NAA38: variants seen among roughly 807,000 people sequenced by gnomAD.
NAA38 encodes the protein N-alpha-acetyltransferase 38, NatC auxiliary subunit, also known as LSM domain containing 1.
In NAA38, 15 loss-of-function variants were observed where a neutral mutation model predicts 12.6. That is an observed-to-expected ratio of 1.19 (90% CI 0.79 to 1.83). NAA38 has a LOEUF of 1.83. NAA38 is among the 40% of genes most tolerant of loss of function. The pLI, the probability that NAA38 is intolerant of heterozygous loss-of-function variation, is 0.00. For synonymous variants in NAA38, 88 were observed against 69.9 expected (o/e 1.26, Z -1.29); for missense variants, 183 against 171.7 (o/e 1.07, Z -0.37).
intron 3 of NAA38, chr17:7,865,701 T>C (rs1597877708): frequency 6.6e-6 from 1 of 152,018 alleles, no homozygotes; most frequent in Admixed American, 6.6e-5. Context: ...AAGAAGAACA[T>C]GTGGGATGTG....
intron 2 of NAA38, among the ~76,000 whole-genome samples, chr17:7,882,479 G>A (rs1299218648): frequency 6.6e-6 from 1 of 152,134 alleles, no homozygotes; most frequent in Non-Finnish European, 1.5e-5. Flanking sequence ...CAAGGGATGA[G>A]AAGGATAGTC....
chr17:7,866,503 G>A (rs1346233515), exon 3 of NAA38: 4 of 1,231,276 alleles, frequency 3.2e-6, no homozygotes, highest in Non-Finnish European at 4.0e-6. Context: ...TGGTCCAGAA[G>A]GTAAGATTTG....
At position 7,857,188 on chromosome 17, in the gene NAA38, C is replaced by T; in HGVS notation, c.92G>A (p.Gly31Glu). 1 of 1,613,112 alleles carries T rather than the reference C, an allele frequency of 6.2e-7. No homozygotes were observed. Among genetic ancestry groups the T allele is most frequent in the Non-Finnish European group, 8.5e-7 (1 of 1,180,024 alleles). ...QSSSSAGDSD[G>E]EREDSAAERA... ...CTCAGCCGCCGAGTCCTCGCGCTCTCCGTCCGAATCCTGCGCGGGGTGTAA... is the reference window on the plus strand; with the variant it reads ...CTCAGCCGCCGAGTCCTCGCGCTCTTCGTCCGAATCCTGCGCGGGGTGTAA... The change falls in exon 2 of 3, where the codon GGA becomes GAA. Residue 31 changes from glycine to glutamate, a missense_variant. Transcript: ENST00000575771.
upstream of NAA38, chr17:7,857,918 G>T: frequency 7.0e-6 from 10 of 1,421,536 alleles, no homozygotes; most frequent in Non-Finnish European, 9.2e-6. Flanking sequence ...CCCCACGCGG[G>T]ACTCATACTA....
At chr17:7,879,524 CT>C (rs1232137754) in intron 2 of NAA38, among the ~76,000 whole-genome samples, 9 of 151,652 alleles carry the variant, frequency 5.9e-5, no homozygotes, top group African/African-American at 2.2e-4. Flanking sequence ...ATGTTTCTTG[CT>C]TTTGCGTTAA....
chr17:7,877,256 A>G (rs192264980), intron 2 of NAA38, among the ~76,000 whole-genome samples: 15 of 152,296 alleles, frequency 9.8e-5, no homozygotes, highest in Admixed American at 2.0e-4. Context: ...AAAGTAACCA[A>G]TGTTACCAGT....
At chr17:7,870,084 A>G (rs1180412262) in intron 2 of NAA38, among the ~76,000 whole-genome samples, 1 of 152,206 alleles carries the variant, frequency 6.6e-6, no homozygotes, top group Non-Finnish European at 1.5e-5. Flanking sequence ...TTCAGTTTCC[A>G]TCACAGTGGT....
At chr17:7,884,864 G>T in intron 1 of NAA38, 1 of 1,242,622 alleles carries the variant, frequency 8.0e-7, no homozygotes, top group Non-Finnish European at 1.1e-6. Context: ...GGTGTCGGAG[G>T]AGGAAGAAGA....
chr17:7,868,552 G>A (rs1478210304), intron 2 of NAA38, among the ~76,000 whole-genome samples: 1 of 152,094 alleles, frequency 6.6e-6, no homozygotes, highest in African/African-American at 2.4e-5. Context: ...GATGACAGTA[G>A]GGCAACAGGC....
At chr17:7,856,939 C>T (rs1453577189) in intron 2 of NAA38, 76 bp downstream of exon 2, 3 of 1,590,056 alleles carry the variant, frequency 1.9e-6, no homozygotes, top group Admixed American at 3.4e-5. Flanking sequence ...GGGTTGCAGC[C>T]AGGCCCTTAA....
At position 7,884,457 on chromosome 17, in the gene NAA38, C is replaced by T. The variant is rs374548787; in HGVS notation, c.-167+708G>A. Among the ~76,000 whole-genome samples, 31 of 130,820 alleles carry T rather than the reference C, an allele frequency of 2.4e-4. No homozygotes were observed. In the East Asian group the frequency reaches 7.1e-3, roughly 30 times the overall value. 85.8% of individuals were successfully genotyped at this position (130,820 alleles called of 152,430 possible). ...GAAGTCGAAAACTTTTATATATATA[C>T]ATATATATATATATATATATGTATA... On this transcript the variant is annotated intron_variant, in intron 1 of 4. Transcript: ENST00000576861.
At chr17:7,875,154 C>T (rs1020938833) in intron 2 of NAA38, among the ~76,000 whole-genome samples, 1 of 151,954 alleles carries the variant, frequency 6.6e-6, no homozygotes. Flanking sequence ...GTGATCACGC[C>T]ACTGCACTCC....
upstream of NAA38, chr17:7,858,164 A>G (rs139727139): frequency 3.1e-6 from 5 of 1,613,718 alleles, no homozygotes; most frequent in Non-Finnish European, 2.5e-6. Flanking sequence ...TGGCTGGGCC[A>G]GACTTGGAGT....
chr17:7,876,800 G>A (rs918872287), intron 2 of NAA38, among the ~76,000 whole-genome samples: 1 of 152,066 alleles, frequency 6.6e-6, no homozygotes, highest in African/African-American at 2.4e-5. Context: ...TTTATAAGAT[G>A]TACAATTAAA....
intron 2 of NAA38, among the ~76,000 whole-genome samples, chr17:7,880,529 G>A (rs1474742135): frequency 1.3e-5 from 2 of 152,162 alleles, no homozygotes; most frequent in African/African-American, 2.4e-5. Flanking sequence ...CTTTAATCAG[G>A]AGAAAGCTTT....
At chr17:7,859,777 C>T, upstream of NAA38, 1 of 615,012 alleles carries the variant, frequency 1.6e-6, no homozygotes, top group South Asian at 2.0e-5. Context: ...TATTCCCTGC[C>T]TTCATTACAG....
At position 7,857,456 on chromosome 17, in the gene NAA38, C is replaced by T. The variant is rs375496712; in HGVS notation, c.8G>A (p.Gly3Glu). 1.3e-6 allele frequency: 2 copies of T among 1,539,952 alleles called. No homozygotes were observed. The highest frequency in any genetic ancestry group is 8.7e-7 in the Non-Finnish European group (1 of 1,143,592). Residue 3 changes from glycine (G) to glutamate (E), a missense_variant, in exon 1 of 3, where the codon GGA becomes GAA. Gly to Glu is a moderately conservative substitution (Grantham distance 98). Transcript: ENST00000575771. MA[G>E]AGPTMLLREE... ...TCGTAGCAGCATGGTCGGTCCAGCT[C>T]CGGCCATTTGCCCGGAGGCCTCCTC...
upstream of NAA38, chr17:7,857,630 C>G (rs925397351): frequency 7.4e-6 from 10 of 1,357,086 alleles, no homozygotes; most frequent in South Asian, 1.4e-4. Flanking sequence ...TCTCCTACTT[C>G]TCTAGCGCTG....
chr17:7,879,737 C>T (rs922940299), intron 2 of NAA38, among the ~76,000 whole-genome samples: 2 of 151,980 alleles, frequency 1.3e-5, no homozygotes, highest in Non-Finnish European at 2.9e-5. Context: ...CAGAAGAAGG[C>T]AGAGACTGAT....
Sources: allele counts gnomAD v4.1 joint callset (sites outside exome capture counted in the v4.1 genomes callset), GRCh38; gene constraint gnomAD v4.1.1; transcripts MANE v1.5; gene names NCBI Gene and HGNC (gene_info 2026-07-23, HGNC 2026-07-21).